Variants in THSD4 observed in about 807,000 individuals in gnomAD.
The protein encoded by THSD4 is thrombospondin type-1 domain-containing protein 4.
In THSD4, 69 loss-of-function variants were observed where a neutral mutation model predicts 119.0. The ratio of observed to expected loss-of-function variants is 0.58; its 90% CI spans 0.48 to 0.71. The LOEUF (loss-of-function observed/expected upper bound fraction) is 0.71, where lower values mean the gene tolerates loss of function less well. Among genes scored for constraint, THSD4 ranks in the 30% least tolerant of loss-of-function variants. THSD4 has a pLI of 0.00. For synonymous variants in THSD4, 524 were observed against 540.4 expected (o/e 0.97, Z 0.42); for missense variants, 1,393 against 1,391.1 (o/e 1.00, Z -0.02).
intron 7 of THSD4, among the ~76,000 whole-genome samples, chr15:71,567,554 C>T (rs1373982224): frequency 1.3e-5 from 2 of 151,386 alleles, no homozygotes; most frequent in African/African-American, 2.4e-5. Flanking sequence ...GGAGCATTAC[C>T]TCTTTAGCAC....
intron 8 of THSD4, among the ~76,000 whole-genome samples, chr15:71,726,862 AG>A: frequency 6.6e-6 from 1 of 151,770 alleles, no homozygotes; most frequent in South Asian, 2.1e-4. Context: ...GCTTGAACCC[AG>A]GGGGCAGAGG....
At chr15:71,707,567 A>G (rs1414308198) in intron 8 of THSD4, among the ~76,000 whole-genome samples, 2 of 152,144 alleles carry the variant, frequency 1.3e-5, no homozygotes, top group African/African-American at 4.8e-5. Context: ...AAACATTTCG[A>G]TATCTCTACG....
chr15:71,593,804 T>C (rs1166792423), intron 7 of THSD4, among the ~76,000 whole-genome samples: 2 of 151,952 alleles, frequency 1.3e-5, no homozygotes, highest in Non-Finnish European at 1.5e-5. Context: ...CTTGGGAGGC[T>C]GAGGTGGGAA....
intron 7 of THSD4, among the ~76,000 whole-genome samples, chr15:71,516,024 C>T (rs113360969): frequency 7.6e-4 from 115 of 152,242 alleles, no homozygotes; most frequent in African/African-American, 2.7e-3. Flanking sequence ...TTATCCTGGG[C>T]ATGCCAAGGG....
At chr15:71,737,594 T>G (rs1284031517) in intron 10 of THSD4, 138 bp from the exon 11 acceptor site, 3 of 1,237,336 alleles carry the variant, frequency 2.4e-6, no homozygotes, top group Non-Finnish European at 3.3e-6. Context: ...GTCTGCTTAT[T>G]TTAAACAGAT....
chr15:71,204,156 G>A (rs2043825233), intron 3 of THSD4, among the ~76,000 whole-genome samples: 1 of 152,160 alleles, frequency 6.6e-6, no homozygotes. Context: ...CAGCAACACA[G>A]GGCCAAGTGG....
At chr15:71,284,208 C>T (rs1000652037) in intron 6 of THSD4, among the ~76,000 whole-genome samples, 1 of 152,004 alleles carries the variant, frequency 6.6e-6, no homozygotes, top group African/African-American at 2.4e-5. Context: ...GCCTGTTTGT[C>T]TTAATAGAAA....
intron 7 of THSD4, among the ~76,000 whole-genome samples, chr15:71,565,640 C>T (rs1595889596): frequency 7.1e-6 from 1 of 140,924 alleles, no homozygotes; most frequent in Non-Finnish European, 1.6e-5. Flanking sequence ...ATGGTAGAGA[C>T]CTTATCCCTC....
chr15:71,697,013 G>A (rs2052178759), intron 8 of THSD4, among the ~76,000 whole-genome samples: 1 of 152,202 alleles, frequency 6.6e-6, no homozygotes, highest in Non-Finnish European at 1.5e-5. Flanking sequence ...AGAATGCACA[G>A]CTTCTCAGGT....
chr15:71,260,934 C>T (rs2044389633), intron 6 of THSD4, among the ~76,000 whole-genome samples: 1 of 152,162 alleles, frequency 6.6e-6, no homozygotes, highest in Non-Finnish European at 1.5e-5. Flanking sequence ...AACCCCATCT[C>T]TACTGAAAAT....
intron 6 of THSD4, among the ~76,000 whole-genome samples, chr15:71,315,946 C>T (rs1398165949): frequency 6.6e-6 from 1 of 152,136 alleles, no homozygotes; most frequent in African/African-American, 2.4e-5. Context: ...TAGCCTCATC[C>T]TCAAAAGTGA....
intron 7 of THSD4, among the ~76,000 whole-genome samples, chr15:71,476,422 A>G (rs923543028): frequency 6.6e-6 from 1 of 151,808 alleles, no homozygotes; most frequent in Non-Finnish European, 1.5e-5. Context: ...TTGTATTTTT[A>G]GTAGAGACAG....
chr15:71,732,190 A>G (rs1320028912), intron 10 of THSD4: 1 of 152,248 alleles, frequency 6.6e-6, no homozygotes, highest in Non-Finnish European at 1.5e-5. Context: ...TATGTAAGGT[A>G]GCATGTTCAC....
chr15:71,521,333 A>G (rs1367945977), intron 7 of THSD4, among the ~76,000 whole-genome samples: 1 of 152,242 alleles, frequency 6.6e-6, no homozygotes, highest in Non-Finnish European at 1.5e-5. Context: ...AAAGAAAAAT[A>G]TGTGGGGTAT....
intron 3 of THSD4, among the ~76,000 whole-genome samples, chr15:71,170,345 C>A (rs2043344986): frequency 6.6e-6 from 1 of 152,034 alleles, no homozygotes; most frequent in Non-Finnish European, 1.5e-5. Context: ...AAGAATCATC[C>A]AAGAGAATGA....
chr15:71,524,356 C>G (rs2048484929), intron 7 of THSD4, among the ~76,000 whole-genome samples: 1 of 152,150 alleles, frequency 6.6e-6, no homozygotes, highest in Non-Finnish European at 1.5e-5. Flanking sequence ...TCTTATTTCT[C>G]TGGTACCTTC....
chr15:71,763,226 AT>A (rs919199323), intron 15 of THSD4, among the ~76,000 whole-genome samples: 6 of 149,356 alleles, frequency 4.0e-5, no homozygotes, highest in African/African-American at 1.5e-4. Context: ...GGGTTTTATA[AT>A]TTTTTTTTTC....
At chr15:71,660,783 T>G in intron 8 of THSD4, 49 bp downstream of exon 8, 1 of 1,603,784 alleles carries the variant, frequency 6.2e-7, no homozygotes, top group Non-Finnish European at 8.5e-7. Context: ...TGCCAGATGA[T>G]GTATTCCTTC....
intron 6 of THSD4, chr15:71,342,458 G>A (rs1206137786): frequency 6.5e-6 from 1 of 152,672 alleles, no homozygotes; most frequent in African/African-American, 2.4e-5. Context: ...TCTCAGCATG[G>A]GAGTCCCTCC....
Sources: allele counts gnomAD v4.1 joint callset (sites outside exome capture counted in the v4.1 genomes callset), GRCh38; gene constraint gnomAD v4.1.1; transcripts MANE v1.5; gene names NCBI Gene and HGNC (gene_info 2026-07-23, HGNC 2026-07-21).